The following CASC3 variants were observed in gnomAD, a reference collection of about 807,000 sequenced individuals.
CASC3 encodes the protein protein CASC3.
In CASC3, 30 loss-of-function variants were observed where a neutral mutation model predicts 80.5. The observed-to-expected ratio is 0.37, with a 90% CI of 0.28 to 0.51. The LOEUF is 0.51. CASC3 is among the 20% of genes least tolerant of loss of function. The pLI is 0.94. For missense variants in CASC3, 824 were observed against 922.2 expected, an observed-to-expected ratio of 0.89 and a Z score of 1.38; for synonymous variants, 312 against 333.6, an observed-to-expected ratio of 0.94 and a Z score of 0.70.
chr17:40,141,247 T>C lies in CASC3; in HGVS notation c.259+13T>C. ...ATTGAAGGTGATGGTGAGTAGCATCTTTTACCCCATTAGGACAAGAGTTTT... is the reference window on the plus strand; with the variant it reads ...ATTGAAGGTGATGGTGAGTAGCATCCTTTACCCCATTAGGACAAGAGTTTT... On this transcript the variant is annotated intron_variant, in intron 2 of 13. Transcript: ENST00000264645. 6.2e-7 allele frequency: 1 copy of C among 1,611,372 alleles called. No homozygotes were observed. Among genetic ancestry groups the C allele is most frequent in the South Asian group, 1.1e-5 (1 of 91,006 alleles).
chr17:40,167,703 C>A, intron 9 of CASC3, 91 bp downstream of exon 9: 1 of 1,251,020 alleles, frequency 8.0e-7, no homozygotes, highest in Non-Finnish European at 1.2e-6. Flanking sequence ...TCTCTTCTGA[C>A]CTCTTATAGT....
chr17:40,147,353 A>G (rs1988886812), intron 3 of CASC3, among the ~76,000 whole-genome samples: 1 of 152,152 alleles, frequency 6.6e-6, no homozygotes, highest in African/African-American at 2.4e-5. Context: ...AAGGAGTCAA[A>G]GGAGGCCAGG....
Position 40,166,811 on chromosome 17 carries a change from A to G in CASC3, c.1486A>G (p.Ile496Val), listed in dbSNP as rs1989460423. Residue 496 changes from isoleucine (I) to valine (V), a missense_variant, in exon 8 of 14, where the codon ATA (isoleucine) becomes GTA (valine). Physicochemically the swap from Ile to Val is conservative, Grantham distance 29. Around this residue, in one of 3 missense-constraint regions of CASC3, gnomAD observed 464 missense variants for 506.0 expected, o/e 0.92. Coordinates refer to ENST00000264645, the MANE Select transcript of CASC3 (RefSeq NM_007359.5). ...GTGTATTACAGGTATGCCCAACCAT[A>G]TACACATGGGAGCAGGACCTCCACC... is the stretch of plus-strand genomic sequence containing the variant. ...PRELRGMPNH[I>V]HMGAGPPPQF... The G allele has an allele frequency of 1.2e-6, 2 of 1,603,132 alleles. No homozygotes were observed. Among genetic ancestry groups the G allele is most frequent in the Non-Finnish European group, 1.7e-6 (2 of 1,176,516 alleles).
intron 3 of CASC3, among the ~76,000 whole-genome samples, chr17:40,160,532 T>C (rs1989267911): frequency 6.6e-6 from 1 of 151,732 alleles, no homozygotes; most frequent in Non-Finnish European, 1.5e-5. Context: ...GAGAGAGAGA[T>C]TATCAAGGAA....
intron 3 of CASC3, among the ~76,000 whole-genome samples, chr17:40,148,812 C>T (rs966076514): frequency 6.6e-6 from 1 of 152,198 alleles, no homozygotes; most frequent in African/African-American, 2.4e-5. Flanking sequence ...GGTCCTACAG[C>T]TGTTGGTGCT....
At chr17:40,169,733 T>A in intron 13 of CASC3, 71 bp downstream of exon 13, 1 of 362,024 alleles carries the variant, frequency 2.8e-6, no homozygotes, top group Non-Finnish European at 5.0e-6. Context: ...AAAAATCACT[T>A]AATTAATGCT....
intron 2 of CASC3, 21 bp from the exon 3 acceptor site, chr17:40,141,549 C>CAT: frequency 6.2e-7 from 1 of 1,610,796 alleles, no homozygotes; most frequent in Admixed American, 1.7e-5. Context: ...TTTTTTTCCA[C>CAT]ATATTTCTGT....
chr17:40,164,253 G>A (rs1989387319), intron 7 of CASC3, 87 bp downstream of exon 7: 1 of 1,091,324 alleles, frequency 9.2e-7, no homozygotes, highest in Non-Finnish European at 1.3e-6. Context: ...GGAAGGTGGT[G>A]TCTGACAAAT....
chr17:40,169,199 C>A, intron 11 of CASC3, 125 bp from the exon 12 acceptor site: 1 of 966,852 alleles, frequency 1.0e-6, no homozygotes, highest in Non-Finnish European at 1.5e-6. Context: ...GAAGGGTGGG[C>A]AGATTAGATA....
At chr17:40,161,033 G>A (rs527601228) in intron 3 of CASC3, among the ~76,000 whole-genome samples, 1 of 151,966 alleles carries the variant, frequency 6.6e-6, no homozygotes, top group African/African-American at 2.4e-5. Context: ...AGGCTGAAGT[G>A]CAGTGGCGCA....
intron 3 of CASC3, among the ~76,000 whole-genome samples, chr17:40,146,584 A>G (rs892930288): frequency 6.6e-6 from 1 of 151,286 alleles, no homozygotes. Context: ...TTACAGGCGC[A>G]CGCCACCATG....
chr17:40,145,416 C>A (rs1177080982), intron 3 of CASC3, among the ~76,000 whole-genome samples: 2 of 152,008 alleles, frequency 1.3e-5, no homozygotes, highest in Non-Finnish European at 2.9e-5. Context: ...TCGTGATCCA[C>A]CCACCTCGGC....
Position 40,162,043 on chromosome 17 carries a change from C to A in CASC3, c.498C>A (p.Gly166=). The part of the protein sequence containing the change: ...EPVENKVGKK[G]PKHLDDDEDR... ...TGGAGAACAAAGTGGGTAAAAAGGG[C>A]CCTAAGCATTTGGATGATGATGAAG... The change falls in exon 5 of 14, where the codon GGC becomes GGA. Residue 166 remains glycine (G), a synonymous_variant. Coordinates refer to ENST00000264645, the MANE Select transcript of CASC3 (RefSeq NM_007359.5). 1 of 1,613,974 alleles carries A rather than the reference C, an allele frequency of 6.2e-7. No individual in the cohort carries two copies. The highest frequency in any genetic ancestry group is 1.1e-5 in the South Asian group (1 of 91,066).
At chr17:40,152,625 G>T (rs1989040498) in intron 3 of CASC3, among the ~76,000 whole-genome samples, 1 of 151,752 alleles carries the variant, frequency 6.6e-6, no homozygotes, top group African/African-American at 2.4e-5. Context: ...CAGCCGCCCA[G>T]CTAATTTTTA....
At chr17:40,149,921 G>C (rs1390045802) in intron 3 of CASC3, among the ~76,000 whole-genome samples, 1 of 151,658 alleles carries the variant, frequency 6.6e-6, no homozygotes, top group Non-Finnish European at 1.5e-5. Context: ...TCAAAAAAAA[G>C]GGAAAAAAAA....
Position 40,163,680 on chromosome 17 carries a change from G to T in CASC3, c.985G>T (p.Val329Leu), listed in dbSNP as rs143992032. ...GGAAGGTCGTGCTGGTTTTAGGCCT[G>T]TGGAAGCTGGTGGGCAGCATGGTGG... is the stretch of plus-strand genomic sequence containing the variant. ...FKEGRAGFRP[V>L]EAGGQHGGRS... Residue 329 changes from valine to leucine, a missense_variant, in exon 7 of 14, where the codon GTG becomes TTG. Physicochemically the swap from Val to Leu is conservative, Grantham distance 32. Transcript: ENST00000264645. The T allele has an allele frequency of 7.4e-6, 12 of 1,614,184 alleles. No individual in the cohort carries two copies. The East Asian group carries it at 2.5e-4, about 33-fold the overall frequency.
chr17:40,157,213 C>T (rs1307696515), intron 3 of CASC3, among the ~76,000 whole-genome samples: 4 of 151,676 alleles, frequency 2.6e-5, no homozygotes, highest in Admixed American at 2.6e-4. Context: ...GGTTTGGTGG[C>T]GGGTGCGTGT....
chr17:40,157,728 A>G (rs540705589), intron 3 of CASC3, among the ~76,000 whole-genome samples: 4 of 152,292 alleles, frequency 2.6e-5, no homozygotes, highest in Non-Finnish European at 4.4e-5. Context: ...CTGTTGCAGT[A>G]AGAATTCCAA....
At chr17:40,143,589 C>G (rs1988777949) in intron 3 of CASC3, among the ~76,000 whole-genome samples, 1 of 151,614 alleles carries the variant, frequency 6.6e-6, no homozygotes, top group Non-Finnish European at 1.5e-5. Flanking sequence ...CCCAGCACTT[C>G]GGGAGGCTGA....
Sources: gnomAD v4.1 joint callset for allele counts (sites outside exome capture counted in the v4.1 genomes callset) on GRCh38, gnomAD v4.1.1 for gene constraint, gnomAD v4.1.1 regional missense constraint, MANE v1.5 for transcripts, NCBI Gene and HGNC (gene_info 2026-07-23, HGNC 2026-07-21) for gene names.